CCDC170: variants seen among roughly 807,000 people sequenced by gnomAD.
CCDC170 encodes the protein coiled-coil domain-containing protein 170.
A neutral mutation model predicts 72.6 loss-of-function variants in CCDC170; 69 were observed. The ratio of observed to expected loss-of-function variants is 0.95; its 90% CI spans 0.78 to 1.16. The LOEUF (loss-of-function observed/expected upper bound fraction) is 1.16. CCDC170 is among the 50% of genes most tolerant of loss of function. The pLI, the probability that CCDC170 is intolerant of heterozygous loss-of-function variation, is 0.00. For synonymous variants in CCDC170, 300 were observed against 303.9 expected (o/e 0.99, Z 0.13); for missense variants, 852 against 832.5 (o/e 1.02, Z -0.29).
chr6:151,571,726 C>T (rs578192668), intron 5 of CCDC170, among the ~76,000 whole-genome samples: 1 of 146,524 alleles, frequency 6.8e-6, no homozygotes, highest in South Asian at 2.3e-4. Flanking sequence ...AAACTCCGTC[C>T]CGGGAGAAAA....
At chr6:151,585,822 C>A in intron 6 of CCDC170, 67 bp from the exon 7 acceptor site, 2 of 1,423,166 alleles carry the variant, frequency 1.4e-6, no homozygotes, top group Non-Finnish European at 2.0e-6. Context: ...TTAGGCAGAG[C>A]AGTAGATGTG....
At chr6:151,580,252 A>G (rs1359886480) in intron 6 of CCDC170, among the ~76,000 whole-genome samples, 2 of 151,988 alleles carry the variant, frequency 1.3e-5, no homozygotes, top group African/African-American at 4.8e-5. Context: ...TCTCTCCGCT[A>G]TGTCATTTGT....
chr6:151,537,545 T>TC (rs1360922852), intron 2 of CCDC170, among the ~76,000 whole-genome samples: 2 of 152,212 alleles, frequency 1.3e-5, no homozygotes, highest in Middle Eastern at 3.2e-3. Flanking sequence ...ATGTTTTTTT[T>TC]CCCAGAAATT....
intron 1 of CCDC170, among the ~76,000 whole-genome samples, chr6:151,528,874 AG>A (rs1412918564): frequency 2.7e-5 from 4 of 149,482 alleles, no homozygotes; most frequent in African/African-American, 9.8e-5. Flanking sequence ...CATATAATAA[AG>A]AAAAAAAAAG....
At chr6:151,496,573 C>T (rs1210215687) in intron 1 of CCDC170, among the ~76,000 whole-genome samples, 2 of 152,160 alleles carry the variant, frequency 1.3e-5, no homozygotes, top group East Asian at 1.9e-4. Flanking sequence ...AAATAGCTTA[C>T]TGGATTAGAA....
At chr6:151,576,018 G>A (rs1398709217) in intron 6 of CCDC170, among the ~76,000 whole-genome samples, 1 of 152,144 alleles carries the variant, frequency 6.6e-6, no homozygotes, top group South Asian at 2.1e-4. Context: ...TCCTTAAATG[G>A]TAACAGATAT....
chr6:151,507,013 A>C (rs1289004841), intron 1 of CCDC170, among the ~76,000 whole-genome samples: 1 of 152,188 alleles, frequency 6.6e-6, no homozygotes, highest in East Asian at 1.9e-4. Context: ...CTCTATGTAC[A>C]TACACATCCT....
intron 6 of CCDC170, among the ~76,000 whole-genome samples, chr6:151,584,492 C>T (rs1776424884): frequency 6.6e-6 from 1 of 152,048 alleles, no homozygotes; most frequent in Admixed American, 6.5e-5. Context: ...AAAACAAAGA[C>T]ATGAAATTGC....
rs972417163 is a variant in CCDC170, at chr6:151,620,673, A to G, written c.*2526A>G. The G allele has an allele frequency of 6.6e-6, 1 of 152,094 alleles. No individual in the cohort carries two copies. Among genetic ancestry groups the G allele is most frequent in the African/African-American group, 2.4e-5 (1 of 41,414 alleles). The allele number at this position is 152,094 out of a possible 1,614,324, so 9.4% of individuals were successfully genotyped here. A position where few individuals can be genotyped will look rare whatever the true frequency, so the allele number is the denominator to read the frequency against. On this transcript the variant is annotated 3_prime_UTR_variant, in exon 11 of 11. Coordinates refer to ENST00000239374, the MANE Select transcript of CCDC170 (RefSeq NM_025059.4). ...GGTGGATGTGGGTGTATGAGAGTGG[A>G]GATTGTTTTTGTACATTCTCTTTGT...
At chr6:151,502,992 AC>A (rs1782013647) in intron 1 of CCDC170, among the ~76,000 whole-genome samples, 1 of 151,922 alleles carries the variant, frequency 6.6e-6, no homozygotes, top group Admixed American at 6.6e-5. Context: ...ACATGGTGAA[AC>A]CCCGTCTCTA....
At chr6:151,517,310 C>T (rs1490908853) in intron 1 of CCDC170, among the ~76,000 whole-genome samples, 1 of 152,012 alleles carries the variant, frequency 6.6e-6, no homozygotes, top group African/African-American at 2.4e-5. Context: ...CCATCCTGGG[C>T]AACAAGAGTG....
At chr6:151,572,735 C>T (rs1399909959) in intron 5 of CCDC170, among the ~76,000 whole-genome samples, 2 of 146,044 alleles carry the variant, frequency 1.4e-5, no homozygotes, top group African/African-American at 5.2e-5. Context: ...CTGCAACCTC[C>T]ACCTCCCAGG....
rs770468819 is a variant in CCDC170, at chr6:151,519,533, C to T, written c.58-16785C>T. Among the ~76,000 whole-genome samples, 10 of 151,988 alleles carry T rather than the reference C, an allele frequency of 6.6e-5. No individual in the cohort carries two copies. In the East Asian group the frequency reaches 9.6e-4, roughly 15 times the overall value. ...TGAGGTAATGTACACTCTCAGCTTA[C>T]GAAGTTAAGAGGATTGAGAGATTAA... On this transcript the variant is annotated intron_variant, in intron 1 of 10. Transcript: ENST00000239374.
intron 1 of CCDC170, among the ~76,000 whole-genome samples, chr6:151,497,120 G>A (rs1391033000): frequency 2.0e-5 from 3 of 152,196 alleles, no homozygotes; most frequent in Admixed American, 1.3e-4. Flanking sequence ...TGCTCATAAT[G>A]AAGAATTGAC....
intron 5 of CCDC170, among the ~76,000 whole-genome samples, chr6:151,564,293 T>A (rs896794214): frequency 2.0e-5 from 3 of 152,148 alleles, no homozygotes; most frequent in African/African-American, 7.2e-5. Flanking sequence ...TGGTGTCCAT[T>A]ATTTCCTCAA....
In CCDC170 at chr6:151,544,594, G is replaced by GAGAA. The variant is rs1288567869; in HGVS notation, c.467_470dup (p.Asn157LysfsTer3). On this transcript the variant is annotated frameshift_variant, in exon 4 of 11. Transcript: ENST00000239374. LOFTEE classifies it high-confidence loss of function. ...CAGAAAGTGTTCAAAAGAAAATGAGGAGAATAAGAAACAAGTTTCAAAGAA... is the reference window on the plus strand; with the variant it reads ...CAGAAAGTGTTCAAAAGAAAATGAGGAGAAAGAATAAGAAACAAGTTTCAAAGAA... The GAGAA allele has an allele frequency of 6.2e-7, 1 of 1,612,528 alleles. No homozygotes were observed. The highest frequency in any genetic ancestry group is 2.2e-5 in the East Asian group (1 of 44,804).
At chr6:151,574,338 G>T (rs762461709) in intron 6 of CCDC170, among the ~76,000 whole-genome samples, 1 of 152,214 alleles carries the variant, frequency 6.6e-6, no homozygotes, top group Non-Finnish European at 1.5e-5. Context: ...GCTGAATCCC[G>T]TCTCTGCTGT....
intron 9 of CCDC170, among the ~76,000 whole-genome samples, chr6:151,610,207 A>G (rs1776848542): frequency 2.6e-5 from 4 of 152,220 alleles, no homozygotes. Flanking sequence ...CCATTTTATA[A>G]AATGTTTAAT....
intron 1 of CCDC170, among the ~76,000 whole-genome samples, chr6:151,506,242 C>T (rs1055666881): frequency 2.2e-4 from 34 of 152,114 alleles, no homozygotes; most frequent in Admixed American, 1.4e-3. Context: ...TGACTTATTA[C>T]GTGGATTTAT....
Sources: gnomAD v4.1 joint callset for allele counts (sites outside exome capture counted in the v4.1 genomes callset) on GRCh38, gnomAD v4.1.1 for gene constraint, MANE v1.5 for transcripts, NCBI Gene and HGNC (gene_info 2026-07-23, HGNC 2026-07-21) for gene names.